Variants in SCN2B observed in about 807,000 individuals in gnomAD.
SCN2B encodes the protein sodium channel regulatory subunit beta-2.
A neutral mutation model predicts 18.2 loss-of-function variants in SCN2B; 14 were observed. The ratio of observed to expected loss-of-function variants is 0.77; its 90% CI spans 0.51 to 1.21. The LOEUF (loss-of-function observed/expected upper bound fraction) is 1.21, where lower values mean the gene tolerates loss of function less well. Ranked by LOEUF, SCN2B falls within the 50% of genes most tolerant of loss-of-function variation. The pLI, the probability that SCN2B is intolerant of heterozygous loss-of-function variation, is 0.00. For synonymous variants in SCN2B, 115 were observed against 115.3 expected, an observed-to-expected ratio of 1.00 and a Z score of 0.02; for missense variants, 262 against 286.9, an observed-to-expected ratio of 0.91 and a Z score of 0.63.
intron 3 of SCN2B, 112 bp from the exon 4 acceptor site, chr11:118,167,198 C>T (rs1948392063): frequency 1.7e-6 from 2 of 1,176,502 alleles, no homozygotes; most frequent in Non-Finnish European, 2.4e-6. Flanking sequence ...CCTCCACAGA[C>T]AGGACTTTAG....
chr11:118,168,633 G>A lies in SCN2B; in HGVS notation c.189C>T (p.Phe63=), dbSNP rs777025982. 1 of 1,614,254 alleles carries A rather than the reference G, an allele frequency of 6.2e-7. No individual in the cohort carries two copies. Among genetic ancestry groups the A allele is most frequent in the South Asian group, 1.1e-5 (1 of 91,084 alleles). ...NSCYTVNHKQ[F]SLNWTYQECN... Reference sequence around the variant, plus strand: ...ACTCCTGGTAAGTCCAGTTCAGGGAGAACTGTTTGTGGTTCACTGTGTAGC... The same window carrying A: ...ACTCCTGGTAAGTCCAGTTCAGGGAAAACTGTTTGTGGTTCACTGTGTAGC... The change falls in exon 2 of 4, where the codon TTC becomes TTT. Residue 63 remains phenylalanine (F), a synonymous_variant. Transcript: ENST00000278947. The surrounding 1 kb of genome is among the most constrained non-coding windows in gnomAD (Gnocchi z 4.7).
chr11:118,172,090 C>G (rs1432676617), intron 1 of SCN2B, among the ~76,000 whole-genome samples: 1 of 152,174 alleles, frequency 6.6e-6, no homozygotes, highest in Non-Finnish European at 1.5e-5. Context: ...TCATTAAAGA[C>G]GAGGGGACCA....
intron 1 of SCN2B, among the ~76,000 whole-genome samples, chr11:118,174,085 T>A (rs1948449347): frequency 8.0e-6 from 1 of 125,322 alleles, no homozygotes; most frequent in Middle Eastern, 3.5e-3. Flanking sequence ...GGCTTATTTT[T>A]CTTTTCTTTT....
rs1317460773 is a variant in SCN2B at position 118,166,870 on chromosome 11, G to T, written c.*17C>A. On this transcript the variant is annotated 3_prime_UTR_variant, in exon 4 of 4. Transcript: ENST00000278947. ...GGGAGGAGACGGGACACGGGAGGCT[G>T]CAGGGCCGGCCACCCACTACTTGGC... is the stretch of plus-strand genomic sequence containing the variant. The T allele has an allele frequency of 1.2e-6, 2 of 1,613,350 alleles. No individual in the cohort carries two copies. The highest frequency in any genetic ancestry group is 1.1e-5 in the South Asian group (1 of 91,080).
chr11:118,166,700 C>T lies in SCN2B; in HGVS notation c.*187G>A, dbSNP rs200598418. ...ACGTCCCAGAGCATGGCAGGTTTCTCGGATGGAAGAGAGTGGGTCACTCTT... is the reference window on the plus strand; with the variant it reads ...ACGTCCCAGAGCATGGCAGGTTTCTTGGATGGAAGAGAGTGGGTCACTCTT... On this transcript the variant is annotated 3_prime_UTR_variant, in exon 4 of 4. Coordinates refer to ENST00000278947, the MANE Select transcript of SCN2B (RefSeq NM_004588.5). 543 of 671,560 alleles carry T rather than the reference C, an allele frequency of 8.1e-4. 3 individuals carry two copies. The African/African-American group carries it at 8.1e-3, about 10-fold the overall frequency. 41.6% of individuals were successfully genotyped at this position (671,560 alleles called of 1,614,324 possible).
rs1162918445 is a variant in SCN2B, at chr11:118,174,091, C to CTTTTTTTTTTTT, written c.70+2259_70+2270dup. On this transcript the variant is annotated intron_variant, in intron 1 of 3. Transcript: ENST00000278947. ...ACCATGCCTGGCTTATTTTTCTTTTCTTTTTTTTTTTTTTTTTTTTTTTTT... is the reference window on the plus strand; with the variant it reads ...ACCATGCCTGGCTTATTTTTCTTTTCTTTTTTTTTTTTTTTTTTTTTTTTTTTTTTTTTTTTT... Among the ~76,000 whole-genome samples the CTTTTTTTTTTTT allele has an allele frequency of 1.7e-3, 112 of 66,658 alleles. 5 individuals are homozygous for CTTTTTTTTTTTT. Among genetic ancestry groups the CTTTTTTTTTTTT allele is most frequent in the African/African-American group, 2.5e-3 (39 of 15,544 alleles). 43.7% of individuals were successfully genotyped at this position (66,658 alleles called of 152,430 possible).
At position 118,166,620 on chromosome 11, in the gene SCN2B, C is replaced by G. The variant is rs1238579587; in HGVS notation, c.*267G>C. The stretch of plus-strand genomic sequence containing the variant: ...GGGGACCCTCACATGTGCCTCCTGC[C>G]TCCCCCCAGGGACTGGCAGGTGGGA... On this transcript the variant is annotated 3_prime_UTR_variant, in exon 4 of 4. Transcript: ENST00000278947. The G allele has an allele frequency of 1.9e-6, 1 of 534,548 alleles. No homozygotes were observed. The highest frequency in any genetic ancestry group is 3.4e-6 in the Non-Finnish European group (1 of 294,702). 33.1% of individuals were successfully genotyped at this position (534,548 alleles called of 1,614,324 possible). A position where few individuals can be genotyped will look rare whatever the true frequency, so the allele number is the denominator to read the frequency against.
chr11:118,170,825 A>G (rs1205498408), intron 1 of SCN2B, among the ~76,000 whole-genome samples: 1 of 152,204 alleles, frequency 6.6e-6, no homozygotes, highest in Non-Finnish European at 1.5e-5. Flanking sequence ...ATTCTCCCCA[A>G]GTTCTGCCTT....
At chr11:118,167,841 G>A (rs1948397014) in intron 3 of SCN2B, among the ~76,000 whole-genome samples, 1 of 152,214 alleles carries the variant, frequency 6.6e-6, no homozygotes, top group East Asian at 1.9e-4. Flanking sequence ...ACAGGTGTGA[G>A]CCATCACACC....
At chr11:118,171,915 C>T (rs1209166854) in intron 1 of SCN2B, among the ~76,000 whole-genome samples, 1 of 152,176 alleles carries the variant, frequency 6.6e-6, no homozygotes, top group Non-Finnish European at 1.5e-5. Flanking sequence ...ATTGTTTTAC[C>T]GGTGAGGAAA....
Position 118,164,633 on chromosome 11 carries a change from G to T in SCN2B, c.*2254C>A, listed in dbSNP as rs1948362283. On this transcript the variant is annotated 3_prime_UTR_variant, in exon 4 of 4. Coordinates refer to ENST00000278947, the MANE Select transcript of SCN2B (RefSeq NM_004588.5). ...CTCCCTTCCCAGGGCACAGATTCTAGAATCTCTTCATCTTCCCCAACTGTA... is the reference window on the plus strand; with the variant it reads ...CTCCCTTCCCAGGGCACAGATTCTATAATCTCTTCATCTTCCCCAACTGTA... 1 of 152,726 alleles carries T rather than the reference G, an allele frequency of 6.5e-6. No individual in the cohort carries two copies. Among genetic ancestry groups the T allele is most frequent in the African/African-American group, 2.4e-5 (1 of 41,432 alleles). The allele number at this position is 152,726 out of a possible 1,614,324, so 9.5% of individuals were successfully genotyped here. A position where few individuals can be genotyped will look rare whatever the true frequency, so the allele number is the denominator to read the frequency against.
chr11:118,167,885 T>C (rs997666500), intron 3 of SCN2B, among the ~76,000 whole-genome samples, 200 bp downstream of exon 3: 6 of 152,230 alleles, frequency 3.9e-5, no homozygotes, highest in African/African-American at 1.4e-4. Flanking sequence ...TTATATTCTG[T>C]ATCATTACCA....
chr11:118,174,080 A>G (rs1458009021), intron 1 of SCN2B, among the ~76,000 whole-genome samples: 2 of 45,560 alleles, frequency 4.4e-5, no homozygotes, highest in Non-Finnish European at 8.8e-5. Flanking sequence ...TGCCTGGCTT[A>G]TTTTTCTTTT....
rs1436049680 is a variant in SCN2B at position 118,166,745 on chromosome 11, G to A, written c.*142C>T. 4 of 887,566 alleles carry A rather than the reference G, an allele frequency of 4.5e-6. No homozygotes were observed. Among genetic ancestry groups the A allele is most frequent in the African/African-American group, 1.6e-5 (1 of 60,776 alleles). 55.0% of individuals were successfully genotyped at this position (887,566 alleles called of 1,614,324 possible). ...ACTCTTGGTGCAGGGTGGGAGATAC[G>A]AAGTCGGGGGTTCAGGAGGCCCCAG... On this transcript the variant is annotated 3_prime_UTR_variant, in exon 4 of 4. Transcript: ENST00000278947.
In SCN2B at chr11:118,166,815, G is replaced by A. The variant is rs1330080721; in HGVS notation, c.*72C>T. ...GTCACGGGAAGCACACCAAGAGCGA[G>A]CAGGCAGGGTCACTGTACAGGGCGG... On this transcript the variant is annotated 3_prime_UTR_variant, in exon 4 of 4. Coordinates refer to ENST00000278947, the MANE Select transcript of SCN2B (RefSeq NM_004588.5). 1 of 1,585,600 alleles carries A rather than the reference G, an allele frequency of 6.3e-7. No individual in the cohort carries two copies. Among genetic ancestry groups the A allele is most frequent in the Non-Finnish European group, 8.6e-7 (1 of 1,160,094 alleles).
chr11:118,176,545 A>C lies in SCN2B; in HGVS notation c.-114T>G, dbSNP rs1948470365. ...AAAAAAAAATGCACGGATGTACTTC[A>C]AAGACATATACAACATTAAGGAAGC... On this transcript the variant is annotated 5_prime_UTR_variant, in exon 1 of 4. Transcript: ENST00000278947. The C allele has an allele frequency of 1.3e-6, 1 of 769,836 alleles. No homozygotes were observed. The allele number at this position is 769,836 out of a possible 1,614,324, so 47.7% of individuals were successfully genotyped here. A position where few individuals can be genotyped will look rare whatever the true frequency, so the allele number is the denominator to read the frequency against.
rs625464 is a variant in SCN2B, at chr11:118,162,830, T to C, written c.*4057A>G. 101,607 of 152,098 alleles carry C rather than the reference T, an allele frequency of 0.67. 36,008 individuals are homozygous for C. Among genetic ancestry groups the C allele is most frequent in the African/African-American group, 0.91 (37,951 of 41,490 alleles). 9.4% of individuals were successfully genotyped at this position (152,098 alleles called of 1,614,324 possible). On this transcript the variant is annotated 3_prime_UTR_variant, in exon 4 of 4. Transcript: ENST00000278947. ...ATTTTCAGGGGAGATAGTTTATTGT[T>C]GCCAGTAGACCCAAACAATAAGACA...
Position 118,167,053 on chromosome 11 carries a change from A to G in SCN2B, c.482T>C (p.Ile161Thr). The G allele has an allele frequency of 6.2e-7, 1 of 1,613,394 alleles. No homozygotes were observed. Among genetic ancestry groups the G allele is most frequent in the African/African-American group, 1.3e-5 (1 of 75,050 alleles). The stretch of plus-strand genomic sequence containing the variant: ...GAAGCCCCCGACGGAGGCACCCACA[A>G]TCACGGCCACCGTGGAGTCCCGCTC... ...PPERDSTVAV[I>T]VGASVGGFLA... Residue 161 changes from isoleucine to threonine, a missense_variant, in exon 4 of 4, where the codon ATT (isoleucine) becomes ACT (threonine). Transcript: ENST00000278947.
At chr11:118,174,004 C>A (rs1002131997) in intron 1 of SCN2B, among the ~76,000 whole-genome samples, 7 of 151,650 alleles carry the variant, frequency 4.6e-5, no homozygotes, top group Non-Finnish European at 7.4e-5. Context: ...CTCACTGCAG[C>A]CTGGAACTCT....
Sources: allele counts gnomAD v4.1 joint callset (sites outside exome capture counted in the v4.1 genomes callset), GRCh38; gene constraint gnomAD v4.1.1; non-coding constraint Gnocchi (gnomAD v3.1); transcripts MANE v1.5; gene names NCBI Gene and HGNC (gene_info 2026-07-23, HGNC 2026-07-21).